The following AGPAT4 variants were observed in gnomAD, a reference collection of about 807,000 sequenced individuals.
AGPAT4 encodes the protein 1-acylglycerol-3-phosphate O-acyltransferase 4.
Under a neutral mutation model 48.0 loss-of-function variants are expected in AGPAT4, and 15 were observed. The ratio of observed to expected loss-of-function variants is 0.31; its 90% confidence interval spans 0.21 to 0.48. The LOEUF (loss-of-function observed/expected upper bound fraction) is 0.48. Ranked by LOEUF, AGPAT4 falls within the 20% of genes least tolerant of loss-of-function variation. The probability of loss-of-function intolerance (pLI) is 0.99; values close to 1 mark genes in which losing one functional copy is unlikely to be tolerated. For missense variants in AGPAT4, 314 were observed against 482.5 expected (o/e 0.65, Z 3.27); for synonymous variants, 178 against 198.7 (o/e 0.90, Z 0.88).
At position 161,180,856 on chromosome 6, in the gene AGPAT4, A is replaced by G. The variant is rs1780563248; in HGVS notation, c.179-14439T>C. On this transcript the variant is annotated intron_variant, in intron 2 of 8. Transcript: ENST00000320285. This position sits in a 1 kb window ranked among gnomAD's most constrained non-coding sequence, Gnocchi z 6.4. ...CACCAGACCCTCTCTGTGCCTGATA[A>G]ATAAAGCCAAAACAGATTTGGTTTT... Among the ~76,000 whole-genome samples the G allele has an allele frequency of 6.6e-6, 1 of 152,196 alleles. No homozygotes were observed. The highest frequency in any genetic ancestry group is 1.5e-5 in the Non-Finnish European group (1 of 68,036).
chr6:161,249,905 A>G lies in AGPAT4; in HGVS notation c.-89-17603T>C, dbSNP rs1052517602. On this transcript the variant is annotated intron_variant, in intron 1 of 8. Transcript: ENST00000320285. This position sits in a 1 kb window ranked among gnomAD's most constrained non-coding sequence, Gnocchi z 6.2. ...CTGCAGCTATTCACAGCTATTCACT[A>G]TTGCAGCTATTCACAATAGCAAAGA... Among the ~76,000 whole-genome samples, 4 of 152,208 alleles carry G rather than the reference A, an allele frequency of 2.6e-5. No homozygotes were observed. Among genetic ancestry groups the G allele is most frequent in the African/African-American group, 9.6e-5 (4 of 41,452 alleles).
intron 2 of AGPAT4, among the ~76,000 whole-genome samples, chr6:161,185,137 A>G (rs2144753): frequency 0.37 from 43,651 of 118,504 alleles, 6,915 homozygotes; most frequent in South Asian, 0.47. Flanking sequence ...AATACTCCAA[A>G]TGTTTAAAAA....
At chr6:161,191,961 G>A (rs975461337) in intron 2 of AGPAT4, among the ~76,000 whole-genome samples, 3 of 151,522 alleles carry the variant, frequency 2.0e-5, no homozygotes, top group African/African-American at 4.8e-5. Context: ...CCCTGGTTAG[G>A]ACCAGAGCTG....
Position 161,255,055 on chromosome 6 carries a change from A to G in AGPAT4, c.-90+18883T>C, listed in dbSNP as rs370698039. On this transcript the variant is annotated intron_variant, in intron 1 of 8. Transcript: ENST00000320285. The surrounding 1 kb of genome is among the most constrained non-coding windows in gnomAD (Gnocchi z 4.7). ...GTTACACAGCCCTTCTGAAGCAAAG[A>G]TACACTAAGTCTAGACAGGCCCTGG... is the stretch of plus-strand genomic sequence containing the variant. Among the ~76,000 whole-genome samples the G allele has an allele frequency of 2.4e-4, 36 of 152,172 alleles. No homozygotes were observed. The highest frequency in any genetic ancestry group is 8.0e-4 in the African/African-American group (33 of 41,442).
At chr6:161,136,747 G>C in intron 8 of AGPAT4, 113 bp from the exon 9 acceptor site, 1 of 840,084 alleles carries the variant, frequency 1.2e-6, no homozygotes, top group Non-Finnish European at 2.0e-6. Context: ...CCAGCTCAGA[G>C]CTGGCTGGCG....
rs187398911 is a variant in AGPAT4, at chr6:161,264,878, C to T, written c.-90+9060G>A. The stretch of plus-strand genomic sequence containing the variant: ...GGGTCACCCAGGACTAGTTATGGGA[C>T]CCCTAGAGTCCCCCAGGGCTGGGGA... On this transcript the variant is annotated intron_variant, in intron 1 of 8. Coordinates refer to ENST00000320285, the MANE Select transcript of AGPAT4 (RefSeq NM_020133.3). The surrounding 1 kb of genome is among the most constrained non-coding windows in gnomAD (Gnocchi z 6.8). 6.6e-5 allele frequency among the ~76,000 whole-genome samples: 10 copies of T among 152,086 alleles called. No individual in the cohort carries two copies. The highest frequency in any genetic ancestry group is 1.3e-4 in the Admixed American group (2 of 15,298).
rs1427333865 is a variant in AGPAT4 at position 161,154,368 on chromosome 6, G to A, written c.349-58C>T. 1.9e-6 allele frequency: 3 copies of A among 1,601,876 alleles called. No homozygotes were observed. The highest frequency in any genetic ancestry group is 8.5e-7 in the Non-Finnish European group (1 of 1,172,732). On this transcript the variant is annotated intron_variant, in intron 3 of 8. Transcript: ENST00000320285. The surrounding 1 kb of genome is among the most constrained non-coding windows in gnomAD (Gnocchi z 7.8). ...AAGGAGACGTCAGAGCCACCTGCCGGGGCTGTTGGAGACTGAAGTAGAAAA... is the reference window on the plus strand; with the variant it reads ...AAGGAGACGTCAGAGCCACCTGCCGAGGCTGTTGGAGACTGAAGTAGAAAA...
chr6:161,173,559 G>T (rs557518610), intron 2 of AGPAT4, among the ~76,000 whole-genome samples: 3 of 152,072 alleles, frequency 2.0e-5, no homozygotes, highest in Non-Finnish European at 2.9e-5. Flanking sequence ...TTGTCAGATG[G>T]GTAGATTGTA....
In AGPAT4 at chr6:161,155,516, G is replaced by A. The variant is rs1287829095; in HGVS notation, c.349-1206C>T. ...GTAAGCCGTGTCCCCCAACCTACTG[G>A]CAGAACAGAAAAAGGTCTAAACAGC... On this transcript the variant is annotated intron_variant, in intron 3 of 8. Transcript: ENST00000320285. This position sits in a 1 kb window ranked among gnomAD's most constrained non-coding sequence, Gnocchi z 5.8. 1.5e-4 allele frequency among the ~76,000 whole-genome samples: 23 copies of A among 152,038 alleles called. No homozygotes were observed. The highest frequency in any genetic ancestry group is 1.5e-3 in the Admixed American group (23 of 15,260).
Position 161,206,696 on chromosome 6 carries a change from C to A in AGPAT4, c.178+25340G>T, listed in dbSNP as rs1183510262. Among the ~76,000 whole-genome samples, 5 of 152,116 alleles carry A rather than the reference C, an allele frequency of 3.3e-5. No individual in the cohort carries two copies. ...TTGAAAGAGAAAAAGACAATTGACA[C>A]ATGCCAACCCTGGGATGACACAGAC... is the stretch of plus-strand genomic sequence containing the variant. On this transcript the variant is annotated intron_variant, in intron 2 of 8. Transcript: ENST00000320285. The surrounding 1 kb of genome is among the most constrained non-coding windows in gnomAD (Gnocchi z 4.8).
chr6:161,172,526 C>A (rs1311369230), intron 2 of AGPAT4, among the ~76,000 whole-genome samples: 1 of 152,190 alleles, frequency 6.6e-6, no homozygotes, highest in East Asian at 1.9e-4. Context: ...TGGGAAAGGC[C>A]AGCTGGACAG....
At position 161,141,222 on chromosome 6, in the gene AGPAT4, CAT is replaced by C. The variant is rs1434971886; in HGVS notation, c.844-1604_844-1603del. Among the ~76,000 whole-genome samples the C allele has an allele frequency of 6.6e-6, 1 of 152,088 alleles. No individual in the cohort carries two copies. Among genetic ancestry groups the C allele is most frequent in the Non-Finnish European group, 1.5e-5 (1 of 68,036 alleles). ...GCTCTGTCCTCGGCCCCCTGCAGCC[CAT>C]TAACAAGCCTGGTCCGAAGCGTCAC... is the stretch of plus-strand genomic sequence containing the variant. On this transcript the variant is annotated intron_variant, in intron 7 of 8. Coordinates refer to ENST00000320285, the MANE Select transcript of AGPAT4 (RefSeq NM_020133.3). This position sits in a 1 kb window ranked among gnomAD's most constrained non-coding sequence, Gnocchi z 6.7.
chr6:161,258,509 A>G (rs187051311), intron 1 of AGPAT4, among the ~76,000 whole-genome samples: 1 of 152,350 alleles, frequency 6.6e-6, no homozygotes, highest in East Asian at 1.9e-4. Flanking sequence ...AGCAAAATAC[A>G]GAAAGAAAAA....
rs750614611 is a variant in AGPAT4, at chr6:161,202,981, T to C, written c.178+29055A>G. 2.0e-5 allele frequency among the ~76,000 whole-genome samples: 3 copies of C among 152,182 alleles called. No individual in the cohort carries two copies. The highest frequency in any genetic ancestry group is 4.4e-5 in the Non-Finnish European group (3 of 68,044). On this transcript the variant is annotated intron_variant, in intron 2 of 8. Transcript: ENST00000320285. The surrounding 1 kb of genome is among the most constrained non-coding windows in gnomAD (Gnocchi z 5.4). ...TGTGAGTAAAGATACCAGCCCTTGA[T>C]TTCTGCCCCCTACTCTCGAGTCTCC...
In AGPAT4 at chr6:161,232,643, C is replaced by T. The variant is rs1782152131; in HGVS notation, c.-89-341G>A. Among the ~76,000 whole-genome samples the T allele has an allele frequency of 6.6e-6, 1 of 152,218 alleles. No individual in the cohort carries two copies. Among genetic ancestry groups the T allele is most frequent in the African/African-American group, 2.4e-5 (1 of 41,464 alleles). ...GCCAGCCACGGAGCCCTGGGTCCCA[C>T]TTGAGTGACGGCTGCCCACAGGACA... is the stretch of plus-strand genomic sequence containing the variant. On this transcript the variant is annotated intron_variant, in intron 1 of 8. Transcript: ENST00000320285. This position sits in a 1 kb window ranked among gnomAD's most constrained non-coding sequence, Gnocchi z 6.8.
rs760933784 is a variant in AGPAT4, at chr6:161,240,983, G to A, written c.-89-8681C>T. Among the ~76,000 whole-genome samples, 2 of 152,002 alleles carry A rather than the reference G, an allele frequency of 1.3e-5. No individual in the cohort carries two copies. Among genetic ancestry groups the A allele is most frequent in the African/African-American group, 2.4e-5 (1 of 41,382 alleles). ...CCTCAATTAAAAAATAATCATCATC[G>A]GCCAGGTGCAGCGGCTCACACCTGT... On this transcript the variant is annotated intron_variant, in intron 1 of 8. Transcript: ENST00000320285. The surrounding 1 kb of genome is among the most constrained non-coding windows in gnomAD (Gnocchi z 5.5).
intron 1 of AGPAT4, among the ~76,000 whole-genome samples, chr6:161,258,836 G>A (rs182430994): frequency 1.3e-5 from 2 of 148,204 alleles, no homozygotes; most frequent in East Asian, 2.0e-4. Context: ...TCACTCTATC[G>A]CCCAGGCTGG....
intron 1 of AGPAT4, among the ~76,000 whole-genome samples, chr6:161,271,007 C>A (rs62437580): frequency 0.12 from 18,311 of 152,200 alleles, 1,286 homozygotes; most frequent in Non-Finnish European, 0.15. Flanking sequence ...GTAAGTCTGG[C>A]CTTTCGTTGT....
Position 161,130,120 on chromosome 6 carries a change from C to A in AGPAT4, c.*6420G>T, listed in dbSNP as rs558045385. On this transcript the variant is annotated 3_prime_UTR_variant, in exon 9 of 9. Coordinates refer to ENST00000320285, the MANE Select transcript of AGPAT4 (RefSeq NM_020133.3). ...TGCTACACATGACAGAGCGACAGTA[C>A]CCTAGGGTGACATGACAGCCCATAT... 1 of 152,192 alleles carries A rather than the reference C, an allele frequency of 6.6e-6. No homozygotes were observed. Among genetic ancestry groups the A allele is most frequent in the Non-Finnish European group, 1.5e-5 (1 of 68,050 alleles). The allele number at this position is 152,192 out of a possible 1,614,324, so 9.4% of individuals were successfully genotyped here. A position where few individuals can be genotyped will look rare whatever the true frequency, so the allele number is the denominator to read the frequency against.
Sources: gnomAD v4.1 joint callset for allele counts (sites outside exome capture counted in the v4.1 genomes callset) on GRCh38, gnomAD v4.1.1 for gene constraint, Gnocchi (gnomAD v3.1) non-coding constraint, MANE v1.5 for transcripts, NCBI Gene and HGNC (gene_info 2026-07-23, HGNC 2026-07-21) for gene names.